MSRA: variants seen among roughly 807,000 people sequenced by gnomAD.
MSRA encodes the protein mitochondrial peptide methionine sulfoxide reductase.
Under a neutral mutation model 31.3 loss-of-function variants are expected in MSRA, and 54 were observed. The ratio of observed to expected loss-of-function variants is 1.73; its 90% confidence interval spans 1.39 to 2.17. The LOEUF is 2.17. Ranked by LOEUF, MSRA falls within the 30% of genes most tolerant of loss-of-function variation. The pLI is 0.00. For synonymous variants in MSRA, 169 were observed against 116.5 expected (o/e 1.45, Z -2.90); for missense variants, 507 against 300.9 (o/e 1.69, Z -5.07).
At chr8:10,312,182 A>G (rs1009453135) in intron 4 of MSRA, among the ~76,000 whole-genome samples, 2 of 152,182 alleles carry the variant, frequency 1.3e-5, no homozygotes, top group Non-Finnish European at 2.9e-5. Context: ...GCAGAAAGAA[A>G]TGAAATGGGA....
intron 1 of MSRA, chr8:10,058,845 TA>T (rs1351979589): frequency 6.6e-6 from 1 of 152,254 alleles, no homozygotes; most frequent in East Asian, 1.9e-4. Context: ...TCCACCTTTT[TA>T]TTAAGTGTGA....
At chr8:10,135,307 C>A (rs763141700) in intron 1 of MSRA, among the ~76,000 whole-genome samples, 26 of 152,250 alleles carry the variant, frequency 1.7e-4, no homozygotes, top group African/African-American at 5.8e-4. Flanking sequence ...GTGTTTTTGC[C>A]GTTGAAACCT....
chr8:10,141,448 C>T (rs1202833511), intron 1 of MSRA, among the ~76,000 whole-genome samples: 2 of 152,202 alleles, frequency 1.3e-5, no homozygotes, highest in African/African-American at 4.8e-5. Flanking sequence ...CATACATTGT[C>T]ACCCACACAG....
chr8:10,224,539 A>G (rs192277166), intron 2 of MSRA, among the ~76,000 whole-genome samples: 4 of 152,192 alleles, frequency 2.6e-5, no homozygotes, highest in East Asian at 1.9e-4. Flanking sequence ...CCCTTTTCTC[A>G]AGAGCAGAGA....
At chr8:10,054,837 A>G (rs1043863520) in intron 1 of MSRA, among the ~76,000 whole-genome samples, 179 bp downstream of exon 1, 4 of 152,180 alleles carry the variant, frequency 2.6e-5, no homozygotes, top group Admixed American at 1.3e-4. Flanking sequence ...GCTGGGGTCC[A>G]CTGACGTCCC....
intron 1 of MSRA, among the ~76,000 whole-genome samples, chr8:10,192,353 C>T (rs539426541): frequency 5.1e-4 from 77 of 152,332 alleles, no homozygotes; most frequent in African/African-American, 1.7e-3. Context: ...GCCTTTCCAA[C>T]CAGTGAGCGG....
At chr8:10,348,603 C>G (rs542042364) in intron 5 of MSRA, among the ~76,000 whole-genome samples, 2 of 151,956 alleles carry the variant, frequency 1.3e-5, no homozygotes, top group African/African-American at 4.8e-5. Flanking sequence ...CTCTTGACCT[C>G]GTGATCCGCC....
At chr8:10,171,707 C>T (rs1209930462) in intron 1 of MSRA, among the ~76,000 whole-genome samples, 1 of 152,208 alleles carries the variant, frequency 6.6e-6, no homozygotes, top group African/African-American at 2.4e-5. Context: ...TCAACTCAAC[C>T]ATGTGTAAAC....
chr8:10,177,099 A>G (rs533603478), intron 1 of MSRA, among the ~76,000 whole-genome samples: 1 of 152,182 alleles, frequency 6.6e-6, no homozygotes, highest in Non-Finnish European at 1.5e-5. Context: ...TGTTTGATTC[A>G]ATGAGTCTCT....
chr8:10,179,906 G>A (rs933659338), intron 1 of MSRA, among the ~76,000 whole-genome samples: 2 of 152,166 alleles, frequency 1.3e-5, no homozygotes, highest in African/African-American at 4.8e-5. Context: ...GTTGTTCTAA[G>A]TGGGAAAACT....
chr8:10,426,879 T>C (rs761408230), intron 5 of MSRA, among the ~76,000 whole-genome samples: 2 of 152,190 alleles, frequency 1.3e-5, no homozygotes, highest in Non-Finnish European at 2.9e-5. Flanking sequence ...TCATTCTCAT[T>C]CCTAACCCCT....
intron 4 of MSRA, among the ~76,000 whole-genome samples, chr8:10,318,859 C>T (rs77319952): frequency 6.6e-6 from 1 of 152,174 alleles, no homozygotes; most frequent in African/African-American, 2.4e-5. Context: ...GGCTTTGACA[C>T]AGATGCTTCC....
intron 3 of MSRA, among the ~76,000 whole-genome samples, chr8:10,297,979 G>C (rs1206191176): frequency 6.6e-6 from 1 of 152,170 alleles, no homozygotes; most frequent in Non-Finnish European, 1.5e-5. Flanking sequence ...CATGGCTTCA[G>C]GTTTCTCCAT....
intron 5 of MSRA, among the ~76,000 whole-genome samples, chr8:10,354,892 A>G (rs967208595): frequency 3.3e-5 from 5 of 151,984 alleles, no homozygotes; most frequent in Admixed American, 6.6e-5. Flanking sequence ...GTTGCTTCCA[A>G]CATTTCCTGC....
At chr8:10,233,294 A>G (rs903503568) in intron 2 of MSRA, among the ~76,000 whole-genome samples, 1 of 152,226 alleles carries the variant, frequency 6.6e-6, no homozygotes, top group African/African-American at 2.4e-5. Flanking sequence ...TGACACACCC[A>G]TGTGTGTGCA....
At chr8:10,369,642 A>G (rs567308077) in intron 5 of MSRA, among the ~76,000 whole-genome samples, 236 of 152,348 alleles carry the variant, frequency 1.5e-3, no homozygotes, top group African/African-American at 5.6e-3. Flanking sequence ...TGATTTTAGG[A>G]TGAAAACTTA....
chr8:10,343,619 C>T (rs1007983866), intron 5 of MSRA, among the ~76,000 whole-genome samples: 1 of 152,180 alleles, frequency 6.6e-6, no homozygotes, highest in African/African-American at 2.4e-5. Flanking sequence ...TAACCCAGTG[C>T]TCCTTATTCA....
chr8:10,072,957 T>C (rs770590646), intron 1 of MSRA, among the ~76,000 whole-genome samples: 3 of 152,246 alleles, frequency 2.0e-5, no homozygotes, highest in Non-Finnish European at 4.4e-5. Context: ...CTTACATCTT[T>C]CAACCTTGCT....
At chr8:10,278,705 C>G (rs1309429988) in intron 3 of MSRA, among the ~76,000 whole-genome samples, 1 of 152,210 alleles carries the variant, frequency 6.6e-6, no homozygotes, top group Non-Finnish European at 1.5e-5. Context: ...AGAGCTCTAC[C>G]TCCCTGTGGT....
Sources: gnomAD v4.1 joint callset for allele counts (sites outside exome capture counted in the v4.1 genomes callset) on GRCh38, gnomAD v4.1.1 for gene constraint, MANE v1.5 for transcripts, NCBI Gene and HGNC (gene_info 2026-07-23, HGNC 2026-07-21) for gene names.